The following DDC variants were observed in gnomAD, a reference collection of about 807,000 sequenced individuals.
DDC encodes dopa decarboxylase, also known as aromatic-L-amino-acid decarboxylase.
DDC carries 43 observed loss-of-function variants against 60.0 expected under a neutral mutation model. The ratio of observed to expected loss-of-function variants is 0.72; its 90% confidence interval spans 0.56 to 0.92. The LOEUF is 0.92. Among genes scored for constraint, DDC ranks in the 40% least tolerant of loss-of-function variants. The probability of loss-of-function intolerance (pLI) is 0.00; values close to 1 mark genes in which losing one functional copy is unlikely to be tolerated. For synonymous variants in DDC, 232 were observed against 234.6 expected, an observed-to-expected ratio of 0.99 and a Z score of 0.10; for missense variants, 573 against 620.2, an observed-to-expected ratio of 0.92 and a Z score of 0.81.
chr7:50,463,284 A>C lies in DDC; in HGVS notation c.1390T>G (p.Trp464Gly). 6.2e-7 allele frequency: 1 copy of C among 1,614,208 alleles called. No homozygotes were observed. The highest frequency in any genetic ancestry group is 8.5e-7 in the Non-Finnish European group (1 of 1,180,026). The change falls in exon 14 of 15, where the codon TGG becomes GGG. Residue 464 changes from tryptophan (W) to glycine (G), a missense_variant. By Grantham distance (184) the Trp-to-Gly change is radical. Transcript: ENST00000444124. ...TVESAHVQRA[W>G]EHIKELAADV... ...GCCGCCAGCTCTTTGATGTGTTCCC[A>C]GGCCCGCTGCACATGGGCAGATTCC... is the stretch of plus-strand genomic sequence containing the variant.
intron 12 of DDC, 84 bp downstream of exon 12, chr7:50,469,989 A>AG (rs2042492816): frequency 1.0e-6 from 1 of 977,236 alleles, no homozygotes; most frequent in Non-Finnish European, 1.6e-6. Flanking sequence ...CAAAAAAAAA[A>AG]AAAGAAAAAA....
rs923706010 is a variant in DDC at position 50,504,165 on chromosome 7, C to T, written c.715-106G>A. On this transcript the variant is annotated intron_variant, in intron 6 of 14. Coordinates refer to ENST00000444124, the MANE Select transcript of DDC (RefSeq NM_001082971.2). The stretch of plus-strand genomic sequence containing the variant: ...CATGGTCCAACCTGGGGCCATGAGC[C>T]GAGATCCCAATGAATGTCTGCTACA... 1.1e-4 allele frequency: 91 copies of T among 792,156 alleles called. No individual in the cohort carries two copies. The East Asian group carries it at 1.7e-3, about 15-fold the overall frequency. The allele number at this position is 792,156 out of a possible 1,614,324, so 49.1% of individuals were successfully genotyped here.
At chr7:50,478,703 T>C (rs1255286123) in intron 10 of DDC, among the ~76,000 whole-genome samples, 1 of 152,208 alleles carries the variant, frequency 6.6e-6, no homozygotes, top group Non-Finnish European at 1.5e-5. Flanking sequence ...TGGTTTTACT[T>C]GAACTGTGGA....
chr7:50,514,006 A>G (rs2043658867), intron 6 of DDC, among the ~76,000 whole-genome samples: 1 of 152,184 alleles, frequency 6.6e-6, no homozygotes, highest in Non-Finnish European at 1.5e-5. Context: ...CCTCCTGCAG[A>G]AGGCCAACCA....
At chr7:50,521,170 T>C (rs997462250) in intron 6 of DDC, among the ~76,000 whole-genome samples, 3 of 151,946 alleles carry the variant, frequency 2.0e-5, no homozygotes, top group African/African-American at 7.2e-5. Flanking sequence ...AGAAACAAAA[T>C]GGATTCCAAG....
intron 14 of DDC, among the ~76,000 whole-genome samples, 156 bp downstream of exon 14, chr7:50,463,057 C>T (rs551568862): frequency 2.6e-5 from 4 of 152,210 alleles, no homozygotes; most frequent in Non-Finnish European, 4.4e-5. Context: ...CGTGAGCCAC[C>T]GCACCCGGCC....
At chr7:50,536,975 G>C (rs1235851600) in intron 4 of DDC, among the ~76,000 whole-genome samples, 1 of 125,790 alleles carries the variant, frequency 7.9e-6, no homozygotes, top group Non-Finnish European at 1.8e-5. Context: ...TACTTGACAT[G>C]AGAAAAATGA....
chr7:50,538,721 A>G (rs1392464113), intron 3 of DDC, among the ~76,000 whole-genome samples: 2 of 152,258 alleles, frequency 1.3e-5, no homozygotes, highest in Non-Finnish European at 2.9e-5. Context: ...CCTGAGGGCA[A>G]TCAGACTGTC....
At chr7:50,466,000 C>T (rs1377142690) in intron 13 of DDC, among the ~76,000 whole-genome samples, 2 of 152,214 alleles carry the variant, frequency 1.3e-5, no homozygotes, top group African/African-American at 2.4e-5. Flanking sequence ...GGCTTTCCCA[C>T]GGCTGCAGCT....
At chr7:50,536,225 C>A (rs1235649035) in intron 4 of DDC, among the ~76,000 whole-genome samples, 1 of 152,118 alleles carries the variant, frequency 6.6e-6, no homozygotes, top group Middle Eastern at 3.2e-3. Context: ...AGAATGCAAC[C>A]AATTGTCTCT....
chr7:50,484,027 T>A (rs1031961595), intron 9 of DDC, among the ~76,000 whole-genome samples: 1 of 152,216 alleles, frequency 6.6e-6, no homozygotes. Context: ...TTTGGTATCA[T>A]GTTTTGTTGT....
chr7:50,458,584 A>G lies in DDC; in HGVS notation c.*278T>C, dbSNP rs761527348. The G allele has an allele frequency of 3.9e-5, 6 of 152,274 alleles. No homozygotes were observed. Among genetic ancestry groups the G allele is most frequent in the Non-Finnish European group, 8.8e-5 (6 of 68,052 alleles). 9.4% of individuals were successfully genotyped at this position (152,274 alleles called of 1,614,324 possible). On this transcript the variant is annotated 3_prime_UTR_variant, in exon 15 of 15. Transcript: ENST00000444124. ...TTTCCTACCACTTCTGATGACTGCAAGAACATGAAAATCTATAATGTTTTA... is the reference window on the plus strand; with the variant it reads ...TTTCCTACCACTTCTGATGACTGCAGGAACATGAAAATCTATAATGTTTTA...
At chr7:50,494,689 CAG>C (rs1477519925) in intron 9 of DDC, among the ~76,000 whole-genome samples, 4 of 150,530 alleles carry the variant, frequency 2.7e-5, no homozygotes, top group Non-Finnish European at 5.9e-5. Flanking sequence ...TTTTTTGAGA[CAG>C]AGTCTTGTCG....
At chr7:50,543,206 A>T (rs2044691677) in intron 2 of DDC, 1 of 156,072 alleles carries the variant, frequency 6.4e-6, no homozygotes, top group Non-Finnish European at 1.4e-5. Context: ...TGACTAGGCC[A>T]GAGCCACTTT....
chr7:50,495,420 G>A lies in DDC; in HGVS notation c.877-3C>T. The A allele has an allele frequency of 6.2e-7, 1 of 1,605,088 alleles. No homozygotes were observed. Among genetic ancestry groups the A allele is most frequent in the Non-Finnish European group, 8.5e-7 (1 of 1,172,706 alleles). On this transcript the variant is annotated splice_polypyrimidine_tract_variant and splice_region_variant and intron_variant, in intron 8 of 14. Coordinates refer to ENST00000444124, the MANE Select transcript of DDC (RefSeq NM_001082971.2). Reference sequence around the variant, plus strand: ...TTAAAGTTGAATGAATCTGCAAACTGCCAAAGAACAAGAGTAAGAAAAAGA... The same window carrying A: ...TTAAAGTTGAATGAATCTGCAAACTACCAAAGAACAAGAGTAAGAAAAAGA...
intron 1 of DDC, among the ~76,000 whole-genome samples, chr7:50,549,469 G>A (rs557185028): frequency 7.9e-5 from 12 of 152,032 alleles, no homozygotes; most frequent in East Asian, 3.9e-4. Context: ...TGGCTAACAC[G>A]GTGAAACCCC....
rs377083973 is a variant in DDC at position 50,503,985 on chromosome 7, A to T, written c.781+8T>A. The T allele has an allele frequency of 2.5e-6, 4 of 1,607,326 alleles. No homozygotes were observed. In the African/African-American group the frequency reaches 5.3e-5, roughly 21 times the overall value. ...TTTTCCAAAAAGAAAATGGAATCGG[A>T]TACTTACAGATAGGACCGACTTCTA... On this transcript the variant is annotated splice_region_variant and intron_variant, in intron 7 of 14. Transcript: ENST00000444124.
At chr7:50,517,174 AAAT>A (rs2043756842) in intron 6 of DDC, among the ~76,000 whole-genome samples, 1 of 152,236 alleles carries the variant, frequency 6.6e-6, no homozygotes, top group South Asian at 2.1e-4. Flanking sequence ...ATCCTTAACA[AAAT>A]AATAGCTAAC....
intron 6 of DDC, among the ~76,000 whole-genome samples, chr7:50,505,557 G>A (rs572379790): frequency 5.9e-5 from 9 of 152,292 alleles, no homozygotes; most frequent in Admixed American, 3.9e-4. Context: ...TGACTGCCTC[G>A]CATTTCACCT....
Sources: allele counts gnomAD v4.1 joint callset (sites outside exome capture counted in the v4.1 genomes callset), GRCh38; gene constraint gnomAD v4.1.1; transcripts MANE v1.5; gene names NCBI Gene and HGNC (gene_info 2026-07-23, HGNC 2026-07-21).